Variants in SSBP2 observed in about 807,000 individuals in gnomAD.
SSBP2 encodes the protein single stranded DNA binding protein 2.
SSBP2 carries 17 observed loss-of-function variants against 61.8 expected under a neutral mutation model. The observed-to-expected ratio is 0.28, with a 90% CI of 0.19 to 0.41. The LOEUF is 0.41. Ranked by LOEUF, SSBP2 falls within the 10% of genes least tolerant of loss-of-function variation. The probability of loss-of-function intolerance (pLI) is 1.00; values close to 1 mark genes in which losing one functional copy is unlikely to be tolerated. For missense variants in SSBP2, 310 were observed against 458.7 expected, an observed-to-expected ratio of 0.68 and a Z score of 2.96; for synonymous variants, 139 against 141.3, an observed-to-expected ratio of 0.98 and a Z score of 0.12.
rs1190293383 is a variant in SSBP2 at position 81,417,248 on chromosome 5, G to A, written c.*3256C>T. ...CATACTGGAACATTTTCAAAGGAGTGCTAATAAGATTCACCCATCAAATAT... is the reference window on the plus strand; with the variant it reads ...CATACTGGAACATTTTCAAAGGAGTACTAATAAGATTCACCCATCAAATAT... On this transcript the variant is annotated 3_prime_UTR_variant, in exon 17 of 17. Coordinates refer to ENST00000320672, the MANE Select transcript of SSBP2 (RefSeq NM_012446.5). 1 of 152,134 alleles carries A rather than the reference G, an allele frequency of 6.6e-6. No individual in the cohort carries two copies. The highest frequency in any genetic ancestry group is 1.5e-5 in the Non-Finnish European group (1 of 68,024). The allele number at this position is 152,134 out of a possible 1,614,324, so 9.4% of individuals were successfully genotyped here. A position where few individuals can be genotyped will look rare whatever the true frequency, so the allele number is the denominator to read the frequency against.
chr5:81,552,512 C>A (rs1772277039), intron 4 of SSBP2, among the ~76,000 whole-genome samples: 1 of 151,940 alleles, frequency 6.6e-6, no homozygotes, highest in African/African-American at 2.4e-5. Flanking sequence ...ACGACACATG[C>A]CCATAATCCC....
chr5:81,661,732 T>C (rs1486971018), intron 1 of SSBP2, among the ~76,000 whole-genome samples: 2 of 152,210 alleles, frequency 1.3e-5, no homozygotes, highest in Non-Finnish European at 2.9e-5. Context: ...TTCCTTTACA[T>C]ATTTTTGATA....
At chr5:81,454,439 G>A (rs2153985557) in intron 10 of SSBP2, among the ~76,000 whole-genome samples, 1 of 152,322 alleles carries the variant, frequency 6.6e-6, no homozygotes, top group Non-Finnish European at 1.5e-5. Context: ...CCAGCAGTTT[G>A]GGAGGCCAAG....
In SSBP2 at chr5:81,643,892, C is replaced by T. The variant is rs926937201; in HGVS notation, c.135+6375G>A. Reference sequence around the variant, plus strand: ...TGCTGGGATTACATGCGTGAGCCACCGCGCCTGGCCCAAATTTTTACATTT... The same window carrying T: ...TGCTGGGATTACATGCGTGAGCCACTGCGCCTGGCCCAAATTTTTACATTT... On this transcript the variant is annotated intron_variant, in intron 2 of 16. Transcript: ENST00000320672. 4.6e-5 allele frequency among the ~76,000 whole-genome samples: 7 copies of T among 152,102 alleles called. No homozygotes were observed. The South Asian group carries it at 6.3e-4, about 14-fold the overall frequency.
chr5:81,615,441 G>A (rs761903170), intron 4 of SSBP2, 32 bp downstream of exon 4: 1 of 1,490,766 alleles, frequency 6.7e-7, no homozygotes, highest in Admixed American at 1.7e-5. Context: ...AAAACTGACA[G>A]TGTAACTTTG....
At chr5:81,502,112 A>G (rs1767839052) in intron 5 of SSBP2, among the ~76,000 whole-genome samples, 1 of 151,982 alleles carries the variant, frequency 6.6e-6, no homozygotes, top group Non-Finnish European at 1.5e-5. Flanking sequence ...CATTGCCTCC[A>G]ATTTCTCTCC....
chr5:81,460,403 CACA>C (rs1263454825), intron 10 of SSBP2, among the ~76,000 whole-genome samples: 11 of 152,172 alleles, frequency 7.2e-5, no homozygotes, highest in Admixed American at 5.9e-4. Flanking sequence ...TCTCCAGGAT[CACA>C]ACATTAAAAT....
At chr5:81,683,796 G>A (rs1752577146) in intron 1 of SSBP2, among the ~76,000 whole-genome samples, 1 of 152,056 alleles carries the variant, frequency 6.6e-6, no homozygotes, top group Non-Finnish European at 1.5e-5. Flanking sequence ...ATTAAAAAAT[G>A]AACAAAAAAG....
intron 3 of SSBP2, among the ~76,000 whole-genome samples, chr5:81,628,200 C>T (rs1357169213): frequency 6.6e-6 from 1 of 152,202 alleles, no homozygotes; most frequent in Non-Finnish European, 1.5e-5. Flanking sequence ...GCTTAGAATC[C>T]ATGGCAGATT....
chr5:81,681,880 A>G (rs1752414221), intron 1 of SSBP2, among the ~76,000 whole-genome samples: 1 of 152,188 alleles, frequency 6.6e-6, no homozygotes, highest in South Asian at 2.1e-4. Flanking sequence ...ATGAAAGATA[A>G]GACATCACTA....
At chr5:81,609,702 C>CT (rs1420305118) in intron 4 of SSBP2, among the ~76,000 whole-genome samples, 8 of 152,238 alleles carry the variant, frequency 5.3e-5, no homozygotes, top group Admixed American at 1.3e-4. Flanking sequence ...GATTGAGAAG[C>CT]TGTCTTCCCA....
At chr5:81,532,899 T>C (rs897159427) in intron 4 of SSBP2, among the ~76,000 whole-genome samples, 9 of 151,922 alleles carry the variant, frequency 5.9e-5, no homozygotes, top group African/African-American at 1.9e-4. Flanking sequence ...AAACAAAGAT[T>C]ATCAGACTTG....
intron 4 of SSBP2, among the ~76,000 whole-genome samples, chr5:81,561,974 G>T (rs1285400958): frequency 6.6e-6 from 1 of 152,038 alleles, no homozygotes; most frequent in East Asian, 1.9e-4. Flanking sequence ...GCACAATCTT[G>T]GCTCACTGCA....
chr5:81,637,645 G>A (rs2153677907), intron 2 of SSBP2, among the ~76,000 whole-genome samples: 1 of 152,266 alleles, frequency 6.6e-6, no homozygotes, highest in African/African-American at 2.4e-5. Flanking sequence ...TCTATAAAAT[G>A]TGGTTAATAA....
intron 4 of SSBP2, among the ~76,000 whole-genome samples, chr5:81,548,129 G>C (rs1771884476): frequency 6.6e-6 from 1 of 152,142 alleles, no homozygotes; most frequent in African/African-American, 2.4e-5. Context: ...TTTGCTGTTG[G>C]AGGGTCTTGC....
intron 4 of SSBP2, among the ~76,000 whole-genome samples, chr5:81,583,085 A>C (rs909734276): frequency 6.6e-6 from 1 of 152,002 alleles, no homozygotes; most frequent in Non-Finnish European, 1.5e-5. Context: ...AAAATTAGCC[A>C]GGCATGGTGG....
At chr5:81,453,722 C>A (rs1763942425) in intron 10 of SSBP2, among the ~76,000 whole-genome samples, 1 of 152,162 alleles carries the variant, frequency 6.6e-6, no homozygotes. Context: ...TCCCAGAGTG[C>A]TGGGATTACA....
At chr5:81,716,288 G>A (rs551135949) in intron 1 of SSBP2, among the ~76,000 whole-genome samples, 37 of 152,142 alleles carry the variant, frequency 2.4e-4, no homozygotes, top group East Asian at 3.9e-4. Flanking sequence ...AGCCACTGTC[G>A]TCCTCCATTA....
intron 1 of SSBP2, among the ~76,000 whole-genome samples, chr5:81,652,946 T>C (rs1749866092): frequency 2.6e-5 from 4 of 151,734 alleles, no homozygotes. Flanking sequence ...TGTATCACTT[T>C]TTTTTTTTTC....
Sources: allele counts gnomAD v4.1 joint callset (sites outside exome capture counted in the v4.1 genomes callset), GRCh38; gene constraint gnomAD v4.1.1; transcripts MANE v1.5; gene names NCBI Gene and HGNC (gene_info 2026-07-23, HGNC 2026-07-21).